Variants in FANCA observed in about 807,000 individuals in gnomAD.
FANCA encodes the protein FA complementation group A.
A neutral mutation model predicts 194.3 loss-of-function variants in FANCA; 236 were observed. That is an observed-to-expected ratio of 1.21 (90% confidence interval 1.09 to 1.35). The LOEUF is 1.35. Among genes scored for constraint, FANCA ranks in the 40% most tolerant of loss-of-function variants. FANCA has a pLI of 0.00. For missense variants in FANCA, 2,628 were observed against 1,813.9 expected, an observed-to-expected ratio of 1.45 and a Z score of -8.15; for synonymous variants, 1,014 against 715.8, an observed-to-expected ratio of 1.42 and a Z score of -6.65.
chr16:89,776,971 G>C (rs1226915674), intron 20 of FANCA, among the ~76,000 whole-genome samples: 1 of 152,176 alleles, frequency 6.6e-6, no homozygotes, highest in Non-Finnish European at 1.5e-5. Context: ...CAGCACTTTG[G>C]GAAGTTGAAG....
At chr16:89,756,961 G>T (rs1034702788) in intron 30 of FANCA, among the ~76,000 whole-genome samples, 3 of 152,150 alleles carry the variant, frequency 2.0e-5, no homozygotes, top group African/African-American at 7.2e-5. Context: ...GAATCTAACC[G>T]CTGGATTTAT....
chr16:89,804,803 G>C (rs962696796), intron 7 of FANCA, among the ~76,000 whole-genome samples: 1 of 152,150 alleles, frequency 6.6e-6, no homozygotes, highest in African/African-American at 2.4e-5. Flanking sequence ...GGAGGCCGAG[G>C]GGGGTGCATC....
intron 8 of FANCA, among the ~76,000 whole-genome samples, 172 bp from the exon 9 acceptor site, chr16:89,799,810 G>A (rs1174878238): frequency 1.3e-5 from 2 of 152,168 alleles, no homozygotes; most frequent in Non-Finnish European, 2.9e-5. Flanking sequence ...TGGCTAACAT[G>A]GTGAAACCCC....
chr16:89,738,659 T>G lies in FANCA; in HGVS notation c.4310A>C (p.Gln1437Pro), dbSNP rs1414520846. 1.9e-6 allele frequency: 3 copies of G among 1,613,704 alleles called. No homozygotes were observed. The highest frequency in any genetic ancestry group is 2.2e-5 in the South Asian group (2 of 91,062). The change falls in exon 43 of 43, where the codon CAG (glutamine) becomes CCG (proline). Residue 1437 changes from glutamine to proline, a missense_variant. Gln to Pro is a moderately conservative substitution (Grantham distance 76). Transcript: ENST00000389301. ...GTCAGGGGCAGCCTGCTGTCTGCTC[T>G]GGAGGGCGGCGCTCACCTCTGGGTC... is the stretch of plus-strand genomic sequence containing the variant. ...DCDPEVSAAL[Q>P]SRQQAAPDAD...
At chr16:89,749,505 G>T (rs754708027) in intron 32 of FANCA, among the ~76,000 whole-genome samples, 1 of 152,248 alleles carries the variant, frequency 6.6e-6, no homozygotes, top group Non-Finnish European at 1.5e-5. Flanking sequence ...AGGATTACAG[G>T]CATGAACCAC....
rs375148599 is a variant in FANCA, at chr16:89,778,857, G to A, written c.1777-7C>T. 6.2e-7 allele frequency: 1 copy of A among 1,613,948 alleles called. No individual in the cohort carries two copies. Among genetic ancestry groups the A allele is most frequent in the Non-Finnish European group, 8.5e-7 (1 of 1,179,992 alleles). On this transcript the variant is annotated splice_polypyrimidine_tract_variant and splice_region_variant and intron_variant, in intron 19 of 42. Transcript: ENST00000389301. ...AGTCAGGGACTTTGGGGAGCTGTGG[G>A]AAGAGAAGAGACCTGTGAGAGACTG...
intron 30 of FANCA, among the ~76,000 whole-genome samples, chr16:89,753,776 C>A (rs991023182): frequency 7.9e-5 from 12 of 152,154 alleles, no homozygotes; most frequent in Non-Finnish European, 1.6e-4. Flanking sequence ...GCACTGGGGA[C>A]AGACACGGTG....
chr16:89,812,657 A>AAC (rs1555576911), intron 3 of FANCA, among the ~76,000 whole-genome samples: 1 of 147,860 alleles, frequency 6.8e-6, no homozygotes, highest in Non-Finnish European at 1.5e-5. Flanking sequence ...AAAAAAAAAA[A>AAC]AAAAAAAAAA....
rs765717163 is a variant in FANCA, at chr16:89,767,099, A to C, written c.2601+42T>G. ...CGGTCCGAAAGCTGCGTAAACCTGA[A>C]ACGTATGGCAGAATGGAAAAATAGG... On this transcript the variant is annotated intron_variant, in intron 27 of 42. Coordinates refer to ENST00000389301, the MANE Select transcript of FANCA (RefSeq NM_000135.4). 20 of 1,493,032 alleles carry C rather than the reference A, an allele frequency of 1.3e-5. 1 individual carries two copies. The highest frequency in any genetic ancestry group is 1.7e-4 in the Middle Eastern group (1 of 5,860). 92.5% of individuals were successfully genotyped at this position (1,493,032 alleles called of 1,614,324 possible).
At chr16:89,756,210 C>G (rs890990202) in intron 30 of FANCA, among the ~76,000 whole-genome samples, 1 of 152,042 alleles carries the variant, frequency 6.6e-6, no homozygotes, top group Non-Finnish European at 1.5e-5. Flanking sequence ...AGGATGTGAA[C>G]AGATTTCTCC....
intron 24 of FANCA, 54 bp from the exon 25 acceptor site, chr16:89,770,313 C>G: frequency 7.0e-7 from 1 of 1,432,624 alleles, no homozygotes; most frequent in Non-Finnish European, 9.6e-7. Context: ...CTGCACATCC[C>G]TCCAACAGCT....
intron 15 of FANCA, among the ~76,000 whole-genome samples, chr16:89,784,406 A>C: frequency 6.6e-6 from 1 of 151,018 alleles, no homozygotes; most frequent in Non-Finnish European, 1.5e-5. Context: ...AACAAAAAAA[A>C]AACCCACATG....
chr16:89,760,585 C>G (rs1051051126), intron 29 of FANCA, among the ~76,000 whole-genome samples: 2 of 152,176 alleles, frequency 1.3e-5, no homozygotes, highest in African/African-American at 4.8e-5. Context: ...ACCCTAAACT[C>G]CACACCCTTA....
intron 17 of FANCA, among the ~76,000 whole-genome samples, chr16:89,781,191 C>G (rs933175649): frequency 6.6e-6 from 1 of 151,322 alleles, no homozygotes; most frequent in Non-Finnish European, 1.5e-5. Context: ...GGTGAAACCC[C>G]ATCTCTACTA....
At chr16:89,794,693 C>A (rs933261167) in intron 11 of FANCA, among the ~76,000 whole-genome samples, 1 of 152,166 alleles carries the variant, frequency 6.6e-6, no homozygotes, top group African/African-American at 2.4e-5. Flanking sequence ...TCATCTCCCA[C>A]CAGTTTCCTG....
chr16:89,771,155 CAAA>C (rs34471552), intron 23 of FANCA, among the ~76,000 whole-genome samples: 12 of 56,622 alleles, frequency 2.1e-4, no homozygotes, highest in Admixed American at 4.2e-4. Context: ...AAGACTCAGT[CAAA>C]AAAAAAAAAA....
intron 14 of FANCA, chr16:89,791,150 G>T: frequency 1.8e-6 from 1 of 556,028 alleles, no homozygotes; most frequent in Non-Finnish European, 3.2e-6. Flanking sequence ...AGAAACCAGG[G>T]GAAGGAGCTG....
intron 11 of FANCA, among the ~76,000 whole-genome samples, chr16:89,795,560 C>T (rs867751858): frequency 6.6e-6 from 1 of 152,114 alleles, no homozygotes; most frequent in Non-Finnish European, 1.5e-5. Flanking sequence ...ATTGCTTGAA[C>T]CTGGGAGGCA....
intron 3 of FANCA, among the ~76,000 whole-genome samples, chr16:89,811,613 T>C (rs1431728454): frequency 1.3e-5 from 2 of 152,186 alleles, no homozygotes; most frequent in Non-Finnish European, 2.9e-5. Context: ...CAGCCACCAT[T>C]CTCCTGAGCA....
Sources: allele counts gnomAD v4.1 joint callset (sites outside exome capture counted in the v4.1 genomes callset), GRCh38; gene constraint gnomAD v4.1.1; transcripts MANE v1.5; gene names NCBI Gene and HGNC (gene_info 2026-07-23, HGNC 2026-07-21).